The following NIPSNAP2 variants were observed in gnomAD, a reference collection of about 807,000 sequenced individuals.
NIPSNAP2 encodes the protein nipsnap homolog 2, also known as protein NipSnap homolog 2.
Under a neutral mutation model 48.4 loss-of-function variants are expected in NIPSNAP2, and 42 were observed. The observed-to-expected ratio is 0.87, with a 90% CI of 0.68 to 1.12. NIPSNAP2 has a LOEUF of 1.12. Ranked by LOEUF, NIPSNAP2 falls within the 50% of genes most tolerant of loss-of-function variation. NIPSNAP2 has a pLI of 0.00. For synonymous variants in NIPSNAP2, 158 were observed against 126.6 expected (o/e 1.25, Z -1.67); for missense variants, 314 against 347.3 (o/e 0.90, Z 0.76).
intron 3 of NIPSNAP2, 131 bp downstream of exon 3, chr7:55,978,526 C>G: frequency 1.2e-6 from 1 of 850,612 alleles, no homozygotes; most frequent in Non-Finnish European, 1.8e-6. Flanking sequence ...TTCAGAGGCT[C>G]TTAAACTGAG....
At chr7:55,981,329 C>G in intron 3 of NIPSNAP2, 144 bp from the exon 4 acceptor site, 1 of 609,470 alleles carries the variant, frequency 1.6e-6, no homozygotes, top group Non-Finnish European at 3.0e-6. Context: ...AAGGTTAACT[C>G]CACATGCCGT....
rs368433061 is a variant in NIPSNAP2 at position 55,981,576 on chromosome 7, C to T, written c.373+9C>T. On this transcript the variant is annotated intron_variant, in intron 4 of 9. Coordinates refer to ENST00000322090, the MANE Select transcript of NIPSNAP2 (RefSeq NM_001483.3). ...CGAGCAGGACCAAGCTGGTAGGAAG[C>T]GAAGTCTTTGGAATAAACACTTCTT... The T allele has an allele frequency of 3.0e-5, 48 of 1,602,190 alleles. No individual in the cohort carries two copies. In the African/African-American group the frequency reaches 5.1e-4, roughly 17 times the overall value.
At chr7:55,990,140 C>T (rs1296693299) in intron 7 of NIPSNAP2, among the ~76,000 whole-genome samples, 1 of 151,828 alleles carries the variant, frequency 6.6e-6, no homozygotes, top group African/African-American at 2.4e-5. Flanking sequence ...TAATCTGAAG[C>T]ATACATCTAT....
intron 1 of NIPSNAP2, among the ~76,000 whole-genome samples, chr7:55,973,508 C>T (rs963502965): frequency 4.6e-5 from 7 of 151,766 alleles, no homozygotes; most frequent in Non-Finnish European, 1.0e-4. Context: ...TTGAGTCTTG[C>T]TGTGTAGCCC....
chr7:55,984,964 G>A (rs1345581641), intron 7 of NIPSNAP2, 86 bp downstream of exon 7: 3 of 1,050,616 alleles, frequency 2.9e-6, no homozygotes, highest in Non-Finnish European at 4.3e-6. Context: ...AAAAAAATCT[G>A]AGGATAGTAC....
intron 5 of NIPSNAP2, among the ~76,000 whole-genome samples, chr7:55,982,812 A>C (rs973457524): frequency 2.0e-5 from 3 of 151,532 alleles, no homozygotes; most frequent in African/African-American, 7.3e-5. Context: ...TTTGAAACTG[A>C]TAAGGTGGTA....
At chr7:55,976,063 TG>T (rs1787101781) in intron 1 of NIPSNAP2, among the ~76,000 whole-genome samples, 16 of 137,822 alleles carry the variant, frequency 1.2e-4, no homozygotes, top group Admixed American at 8.9e-4. Flanking sequence ...TGTGTGTGTG[TG>T]TGTGTGTAGA....
chr7:55,968,126 T>C (rs2116326441), intron 1 of NIPSNAP2, among the ~76,000 whole-genome samples: 1 of 152,194 alleles, frequency 6.6e-6, no homozygotes, highest in South Asian at 2.1e-4. Flanking sequence ...ATTTTCCTAG[T>C]AGAAAGATCT....
intron 1 of NIPSNAP2, 46 bp downstream of exon 1, chr7:55,964,747 G>A: frequency 4.1e-6 from 4 of 976,292 alleles, no homozygotes; most frequent in Non-Finnish European, 5.1e-6. Flanking sequence ...AGGGGCCGCC[G>A]CGAGGCGGAG....
chr7:55,970,688 G>A (rs969468879), intron 1 of NIPSNAP2, among the ~76,000 whole-genome samples: 8 of 151,978 alleles, frequency 5.3e-5, no homozygotes, highest in East Asian at 1.9e-4. Context: ...TCGCCCTCAC[G>A]GTCCTCCCAC....
intron 3 of NIPSNAP2, chr7:55,980,768 G>T (rs568831107): frequency 6.6e-6 from 1 of 152,314 alleles, no homozygotes; most frequent in African/African-American, 2.4e-5. Context: ...TGAATTGGTT[G>T]GTGTGTTCGG....
At chr7:55,975,393 A>ATAG (rs1354627949) in intron 1 of NIPSNAP2, among the ~76,000 whole-genome samples, 4 of 152,076 alleles carry the variant, frequency 2.6e-5, no homozygotes, top group Non-Finnish European at 5.9e-5. Context: ...GTATGCTGTG[A>ATAG]TAGACCTGGC....
Position 55,983,842 on chromosome 7 carries a change from T to G in NIPSNAP2, c.559T>G (p.Tyr187Asp), listed in dbSNP as rs1407595612. The change falls in exon 6 of 10, where the codon TAT (tyrosine) becomes GAT (aspartate). Residue 187 changes from tyrosine (Y) to aspartate (D), a missense_variant. This residue lies in a region of NIPSNAP2 where 116 missense variants were observed against 161.8 expected (regional missense o/e 0.72). Coordinates refer to ENST00000322090, the MANE Select transcript of NIPSNAP2 (RefSeq NM_001483.3). ...TGTGCCAAGATCCGGACCTAATATA[T>G]ATGAACTCAGGTCTTACCAACTCCG... ...EPVPRSGPNI[Y>D]ELRSYQLRPG... 1 of 1,614,030 alleles carries G rather than the reference T, an allele frequency of 6.2e-7. No individual in the cohort carries two copies. Among genetic ancestry groups the G allele is most frequent in the Non-Finnish European group, 8.5e-7 (1 of 1,179,932 alleles).
chr7:55,991,388 C>T (rs972566202), intron 7 of NIPSNAP2, among the ~76,000 whole-genome samples: 2 of 151,902 alleles, frequency 1.3e-5, no homozygotes, highest in East Asian at 3.9e-4. Flanking sequence ...AATTTTTGCC[C>T]ATTACTGATC....
intron 7 of NIPSNAP2, among the ~76,000 whole-genome samples, chr7:55,987,388 G>C (rs1787352236): frequency 6.6e-6 from 1 of 152,160 alleles, no homozygotes; most frequent in Admixed American, 6.6e-5. Context: ...AGCACTTTGG[G>C]AGGCCAAGGC....
chr7:55,977,303 A>AT (rs1393232833), intron 1 of NIPSNAP2, among the ~76,000 whole-genome samples: 3 of 152,172 alleles, frequency 2.0e-5, no homozygotes, highest in Admixed American at 6.6e-5. Context: ...AGGCAGGAGA[A>AT]TCGCTTGAAC....
At chr7:55,989,517 T>A (rs1020879035) in intron 7 of NIPSNAP2, among the ~76,000 whole-genome samples, 8 of 152,108 alleles carry the variant, frequency 5.3e-5, no homozygotes, top group African/African-American at 1.9e-4. Context: ...TCCCAGCTAC[T>A]CTGGAGGCTG....
At chr7:55,976,268 T>C (rs753253155) in intron 1 of NIPSNAP2, among the ~76,000 whole-genome samples, 1 of 152,354 alleles carries the variant, frequency 6.6e-6, no homozygotes, top group African/African-American at 2.4e-5. Context: ...CACATAAATC[T>C]ACCTCATTCT....
intron 3 of NIPSNAP2, chr7:55,980,617 C>G (rs924640088): frequency 6.6e-6 from 1 of 152,144 alleles, no homozygotes; most frequent in Non-Finnish European, 1.5e-5. Flanking sequence ...ACACTCTTCC[C>G]TTTGCCTTTC....
Sources: allele counts gnomAD v4.1 joint callset (sites outside exome capture counted in the v4.1 genomes callset), GRCh38; gene constraint gnomAD v4.1.1; regional missense constraint gnomAD v4.1.1; transcripts MANE v1.5; gene names NCBI Gene and HGNC (gene_info 2026-07-23, HGNC 2026-07-21).